GABPA: variants seen among roughly 807,000 people sequenced by gnomAD.
The protein encoded by GABPA is GA-binding protein alpha chain.
GABPA carries 4 observed loss-of-function variants against 59.4 expected under a neutral mutation model. The observed-to-expected ratio is 0.07, with a 90% CI of 0.03 to 0.15. The LOEUF is 0.15. Among genes scored for constraint, GABPA ranks in the 10% least tolerant of loss-of-function variants. The probability of loss-of-function intolerance (pLI) is 1.00; values close to 1 mark genes in which losing one functional copy is unlikely to be tolerated. For synonymous variants in GABPA, 164 were observed against 183.1 expected, an observed-to-expected ratio of 0.90 and a Z score of 0.84; for missense variants, 251 against 543.8, an observed-to-expected ratio of 0.46 and a Z score of 5.36.
At chr21:25,735,621 G>A (rs2035020078) in intron 1 of GABPA, 43 bp downstream of exon 1, 1 of 152,494 alleles carries the variant, frequency 6.6e-6, no homozygotes, top group Non-Finnish European at 1.5e-5. Flanking sequence ...GGGCCCTCGC[G>A]GGCCGGCCTC....
intron 5 of GABPA, among the ~76,000 whole-genome samples, chr21:25,755,367 T>C (rs934722810): frequency 1.3e-5 from 2 of 150,404 alleles, no homozygotes; most frequent in Non-Finnish European, 2.9e-5. Flanking sequence ...GCTCTGGAGC[T>C]TGAGGCTATA....
At position 25,735,019 on chromosome 21, in the gene GABPA, G is replaced by T; in HGVS notation, c.-586G>T. 6.6e-7 allele frequency: 1 copy of T among 1,517,582 alleles called. No homozygotes were observed. Among genetic ancestry groups the T allele is most frequent in the East Asian group, 2.4e-5 (1 of 40,888 alleles). The allele number at this position is 1,517,582 out of a possible 1,614,324, so 94.0% of individuals were successfully genotyped here. ...AGGAAGCGTCTCGGAGACAGTCTGC[G>T]ACCGGACGGGTCTAGGTGAGACAGA... On this transcript the variant is annotated 5_prime_UTR_variant, in exon 1 of 10. Coordinates refer to ENST00000400075, the MANE Select transcript of GABPA (RefSeq NM_002040.4).
Position 25,749,044 on chromosome 21 carries a change from A to C in GABPA, c.231A>C (p.Pro77=), listed in dbSNP as rs750048308. The C allele has an allele frequency of 5.0e-6, 8 of 1,600,488 alleles. No individual in the cohort carries two copies. Among genetic ancestry groups the C allele is most frequent in the Non-Finnish European group, 6.8e-6 (8 of 1,167,950 alleles). ...ATTTTATCCATGGTTAGCTGGATCC[A>C]GAACGAAGTTTATTTGACCAAGGAG... is the stretch of plus-strand genomic sequence containing the variant. The part of the protein sequence containing the change: ...EICLQDIQLD[P]ERSLFDQGVK... Residue 77 remains proline (P), a synonymous_variant, in exon 4 of 10, where the codon CCA becomes CCC. Coordinates refer to ENST00000400075, the MANE Select transcript of GABPA (RefSeq NM_002040.4).
At chr21:25,753,658 A>G (rs935717420) in intron 5 of GABPA, among the ~76,000 whole-genome samples, 1 of 152,216 alleles carries the variant, frequency 6.6e-6, no homozygotes, top group African/African-American at 2.4e-5. Flanking sequence ...AGAAGTAACT[A>G]GAGTTGGCGA....
intron 9 of GABPA, among the ~76,000 whole-genome samples, chr21:25,767,376 AAG>A (rs1249380624): frequency 2.0e-5 from 3 of 151,966 alleles, no homozygotes; most frequent in East Asian, 3.8e-4. Context: ...TTTAAAAAAA[AAG>A]AGGGAAGAAA....
In GABPA at chr21:25,739,701, G is replaced by A. The variant is rs77647124; in HGVS notation, c.-26-1872G>A. On this transcript the variant is annotated intron_variant, in intron 1 of 9. Coordinates refer to ENST00000400075, the MANE Select transcript of GABPA (RefSeq NM_002040.4). ...CACGATCATCATTGACTGCAGCCTCGACTCCTGGTCTCAAGCGATCTTCTC... is the reference window on the plus strand; with the variant it reads ...CACGATCATCATTGACTGCAGCCTCAACTCCTGGTCTCAAGCGATCTTCTC... 8.4e-3 allele frequency among the ~76,000 whole-genome samples: 1,274 copies of A among 152,206 alleles called. 19 individuals carry two copies. The highest frequency in any genetic ancestry group is 0.029 in the African/African-American group (1,219 of 41,512).
rs1319705600 is a variant in GABPA, at chr21:25,735,526, T to C, written c.-79T>C. 1 of 153,470 alleles carries C rather than the reference T, an allele frequency of 6.5e-6. No homozygotes were observed. The highest frequency in any genetic ancestry group is 2.4e-5 in the African/African-American group (1 of 41,420). The allele number at this position is 153,470 out of a possible 1,614,324, so 9.5% of individuals were successfully genotyped here. ...CACGTGGAGCCCTCGCCGCTGCCGT[T>C]CTCAGCCGGCTCTGGAGTGCGGGCG... On this transcript the variant is annotated 5_prime_UTR_variant, in exon 1 of 10. Coordinates refer to ENST00000400075, the MANE Select transcript of GABPA (RefSeq NM_002040.4).
At chr21:25,768,976 T>C in intron 9 of GABPA, 28 bp from the exon 10 acceptor site, 1 of 1,469,166 alleles carries the variant, frequency 6.8e-7, no homozygotes, top group Middle Eastern at 1.8e-4. Flanking sequence ...TTTTCTGAAG[T>C]CTCTAATTTT....
At chr21:25,737,429 CTGAG>C (rs753909295) in intron 1 of GABPA, among the ~76,000 whole-genome samples, 5 of 152,168 alleles carry the variant, frequency 3.3e-5, no homozygotes, top group Non-Finnish European at 7.3e-5. Context: ...ATTTAAGAGA[CTGAG>C]TAATATTTTT....
rs753830513 is a variant in GABPA, at chr21:25,768,993, T to A, written c.1137-11T>A. On this transcript the variant is annotated splice_polypyrimidine_tract_variant and intron_variant, in intron 9 of 9. Coordinates refer to ENST00000400075, the MANE Select transcript of GABPA (RefSeq NM_002040.4). ...TTCTGAAGTCTCTAATTTTTTTTTCTCTTTTTGAAGATATTATTACGATGG... is the reference window on the plus strand; with the variant it reads ...TTCTGAAGTCTCTAATTTTTTTTTCACTTTTTGAAGATATTATTACGATGG... 6.4e-7 allele frequency: 1 copy of A among 1,571,622 alleles called. No homozygotes were observed. The highest frequency in any genetic ancestry group is 8.7e-7 in the Non-Finnish European group (1 of 1,151,544).
intron 3 of GABPA, among the ~76,000 whole-genome samples, chr21:25,745,602 G>A (rs1406270450): frequency 6.6e-6 from 1 of 152,044 alleles, no homozygotes; most frequent in Non-Finnish European, 1.5e-5. Flanking sequence ...AATATAAAAC[G>A]AGAAGTTTAA....
intron 5 of GABPA, among the ~76,000 whole-genome samples, chr21:25,757,104 T>C (rs904701409): frequency 6.6e-6 from 1 of 151,972 alleles, no homozygotes; most frequent in African/African-American, 2.4e-5. Flanking sequence ...CTAAATGTTA[T>C]TTTTTTTCTA....
At position 25,769,335 on chromosome 21, in the gene GABPA, T is replaced by A; in HGVS notation, c.*103T>A. 1 of 609,644 alleles carries A rather than the reference T, an allele frequency of 1.6e-6. No individual in the cohort carries two copies. The highest frequency in any genetic ancestry group is 3.0e-6 in the Non-Finnish European group (1 of 335,640). The allele number at this position is 609,644 out of a possible 1,614,324, so 37.8% of individuals were successfully genotyped here. On this transcript the variant is annotated 3_prime_UTR_variant, in exon 10 of 10. Coordinates refer to ENST00000400075, the MANE Select transcript of GABPA (RefSeq NM_002040.4). ...TTTGAATCTTCTTTTATTTCTAGGC[T>A]GTACAGTCTGATGCATGATTTTTTT...
intron 3 of GABPA, 147 bp downstream of exon 3, chr21:25,745,501 A>G: frequency 1.5e-6 from 1 of 648,172 alleles, no homozygotes; most frequent in Admixed American, 3.8e-5. Context: ...TTAGAAATAA[A>G]AAGGTTTTTA....
At chr21:25,756,476 A>C (rs935802232) in intron 5 of GABPA, among the ~76,000 whole-genome samples, 1 of 152,196 alleles carries the variant, frequency 6.6e-6, no homozygotes, top group African/African-American at 2.4e-5. Context: ...TCAGTTTGAC[A>C]AACACCCAGG....
intron 7 of GABPA, chr21:25,763,054 G>T: frequency 2.6e-6 from 1 of 385,144 alleles, no homozygotes; most frequent in Non-Finnish European, 5.0e-6. Context: ...ATTGGGTACT[G>T]TACTTGCTAG....
chr21:25,749,057 T>C lies in GABPA; in HGVS notation c.244T>C (p.Phe82Leu), dbSNP rs1437333343. 3.7e-6 allele frequency: 6 copies of C among 1,607,654 alleles called. No homozygotes were observed. The highest frequency in any genetic ancestry group is 5.1e-6 in the Non-Finnish European group (6 of 1,174,552). ...DIQLDPERSL[F>L]DQGVKTDGTV... ...TTAGCTGGATCCAGAACGAAGTTTA[T>C]TTGACCAAGGAGTAAAAACAGATGG... The change falls in exon 4 of 10, where the codon TTT (phenylalanine) becomes CTT (leucine). Residue 82 changes from phenylalanine to leucine, a missense_variant. This residue lies in a region of GABPA where 207 missense variants were observed against 366.7 expected (regional missense o/e 0.56). Transcript: ENST00000400075.
chr21:25,767,057 T>C (rs1012028457), intron 9 of GABPA, among the ~76,000 whole-genome samples: 2 of 151,934 alleles, frequency 1.3e-5, no homozygotes, highest in African/African-American at 4.8e-5. Context: ...TTAGTAAAGT[T>C]CAAAAAACAG....
intron 4 of GABPA, among the ~76,000 whole-genome samples, chr21:25,750,853 G>A (rs937710231): frequency 4.6e-5 from 7 of 152,114 alleles, no homozygotes; most frequent in African/African-American, 1.7e-4. Flanking sequence ...CTAGATGAAG[G>A]ATTAGGAAAT....
Sources: allele counts gnomAD v4.1 joint callset (sites outside exome capture counted in the v4.1 genomes callset), GRCh38; gene constraint gnomAD v4.1.1; regional missense constraint gnomAD v4.1.1; transcripts MANE v1.5; gene names NCBI Gene and HGNC (gene_info 2026-07-23, HGNC 2026-07-21).